XKR3: variants seen among roughly 807,000 people sequenced by gnomAD.
XKR3 encodes XK related 3.
Under a neutral mutation model 40.3 loss-of-function variants are expected in XKR3, and 27 were observed. The ratio of observed to expected loss-of-function variants is 0.67; its 90% CI spans 0.49 to 0.92. XKR3 has a LOEUF of 0.92. Among genes scored for constraint, XKR3 ranks in the 40% least tolerant of loss-of-function variants. XKR3 has a pLI of 0.00. For synonymous variants in XKR3, 193 were observed against 195.4 expected (o/e 0.99, Z 0.10); for missense variants, 472 against 537.6 (o/e 0.88, Z 1.21).
intron 3 of XKR3, among the ~76,000 whole-genome samples, 172 bp from the exon 4 acceptor site, chr22:16,784,581 GTA>G (rs1188593969): frequency 1.3e-5 from 2 of 152,116 alleles, no homozygotes; most frequent in African/African-American, 2.4e-5. Flanking sequence ...GATACAGTAA[GTA>G]TAGGCATGCA....
chr22:16,795,562 G>A (rs558930694), intron 3 of XKR3, among the ~76,000 whole-genome samples: 1 of 151,980 alleles, frequency 6.6e-6, no homozygotes. Flanking sequence ...AGAAGTTAAT[G>A]AAACTGAGAT....
At chr22:16,792,784 T>G (rs1340226318) in intron 3 of XKR3, among the ~76,000 whole-genome samples, 1 of 152,242 alleles carries the variant, frequency 6.6e-6, no homozygotes, top group Non-Finnish European at 1.5e-5. Flanking sequence ...GATGTTTTGT[T>G]CAAGTCTATA....
At chr22:16,816,692 T>C (rs937003861) in intron 1 of XKR3, among the ~76,000 whole-genome samples, 3 of 152,026 alleles carry the variant, frequency 2.0e-5, no homozygotes, top group Non-Finnish European at 4.4e-5. Context: ...ACAACTTATG[T>C]GGAATAATAT....
intron 1 of XKR3, among the ~76,000 whole-genome samples, chr22:16,821,226 A>G (rs1035065960): frequency 6.6e-6 from 1 of 152,166 alleles, no homozygotes; most frequent in African/African-American, 2.4e-5. Flanking sequence ...AACTGAAAAA[A>G]TGTATATATC....
At chr22:16,821,237 A>C (rs960405371) in intron 1 of XKR3, among the ~76,000 whole-genome samples, 2 of 152,164 alleles carry the variant, frequency 1.3e-5, no homozygotes, top group African/African-American at 4.8e-5. Context: ...TGTATATATC[A>C]AAGCTGTTAA....
At chr22:16,814,319 A>G (rs2060224619) in intron 1 of XKR3, among the ~76,000 whole-genome samples, 1 of 152,118 alleles carries the variant, frequency 6.6e-6, no homozygotes, top group African/African-American at 2.4e-5. Flanking sequence ...TTTGTTGGAA[A>G]TCAATTGCAC....
chr22:16,813,013 G>A (rs776181094), intron 1 of XKR3, among the ~76,000 whole-genome samples: 7 of 152,216 alleles, frequency 4.6e-5, no homozygotes, highest in Non-Finnish European at 8.8e-5. Flanking sequence ...GGCCGGGCGC[G>A]GTGGCTCACG....
intron 2 of XKR3, among the ~76,000 whole-genome samples, 181 bp downstream of exon 2, chr22:16,807,558 C>T (rs1410072305): frequency 6.6e-6 from 1 of 152,132 alleles, no homozygotes; most frequent in Non-Finnish European, 1.5e-5. Context: ...CTATCATTAC[C>T]TTATAACTGA....
chr22:16,815,185 A>C (rs1203684748), intron 1 of XKR3, among the ~76,000 whole-genome samples: 1 of 152,042 alleles, frequency 6.6e-6, no homozygotes, highest in Admixed American at 6.6e-5. Context: ...GATTTTATAA[A>C]ATATTTTACC....
At chr22:16,796,814 A>T (rs1477898232) in intron 3 of XKR3, among the ~76,000 whole-genome samples, 1 of 152,224 alleles carries the variant, frequency 6.6e-6, no homozygotes, top group Non-Finnish European at 1.5e-5. Flanking sequence ...AAAAAATTCT[A>T]TTCTAAATTT....
intron 3 of XKR3, among the ~76,000 whole-genome samples, chr22:16,797,561 G>A (rs1204996409): frequency 1.3e-5 from 2 of 152,118 alleles, no homozygotes; most frequent in African/African-American, 2.4e-5. Flanking sequence ...GGGAGGCTGA[G>A]GCGGGCAGAT....
At chr22:16,798,638 A>G (rs565394888) in intron 3 of XKR3, among the ~76,000 whole-genome samples, 2 of 152,362 alleles carry the variant, frequency 1.3e-5, no homozygotes, top group South Asian at 4.1e-4. Flanking sequence ...ATGGTTGCAT[A>G]GTATTCCATG....
chr22:16,808,792 G>C (rs1451811405), intron 1 of XKR3, among the ~76,000 whole-genome samples: 1 of 152,080 alleles, frequency 6.6e-6, no homozygotes, highest in Non-Finnish European at 1.5e-5. Flanking sequence ...ACATCAATTA[G>C]TCACTATGTG....
At chr22:16,798,765 C>T (rs967756555) in intron 3 of XKR3, among the ~76,000 whole-genome samples, 1 of 152,094 alleles carries the variant, frequency 6.6e-6, no homozygotes, top group Non-Finnish European at 1.5e-5. Flanking sequence ...AATAGAAAAC[C>T]AAATAGATTT....
intron 1 of XKR3, among the ~76,000 whole-genome samples, chr22:16,815,857 T>C (rs1464337990): frequency 3.9e-5 from 6 of 151,972 alleles, no homozygotes; most frequent in Admixed American, 2.0e-4. Flanking sequence ...TACTGAGGCA[T>C]TTAAATTTGT....
intron 1 of XKR3, among the ~76,000 whole-genome samples, chr22:16,818,468 A>C (rs2060242631): frequency 6.6e-6 from 1 of 152,158 alleles, no homozygotes; most frequent in African/African-American, 2.4e-5. Flanking sequence ...GGCACAGACA[A>C]AAAGAGCTTC....
intron 3 of XKR3, among the ~76,000 whole-genome samples, chr22:16,791,846 A>T (rs1367706800): frequency 1.3e-5 from 2 of 151,540 alleles, no homozygotes; most frequent in Non-Finnish European, 2.9e-5. Flanking sequence ...TGACTCTGAG[A>T]CTAAAGGGGA....
chr22:16,802,957 A>G (rs1349216700), intron 2 of XKR3, among the ~76,000 whole-genome samples: 1 of 152,216 alleles, frequency 6.6e-6, no homozygotes, highest in Non-Finnish European at 1.5e-5. Flanking sequence ...AAAGTTGGCC[A>G]TGAAAGTAAG....
At chr22:16,806,451 T>C (rs2060189902) in intron 2 of XKR3, among the ~76,000 whole-genome samples, 2 of 149,620 alleles carry the variant, frequency 1.3e-5, no homozygotes, top group African/African-American at 5.0e-5. Flanking sequence ...TCACATTTTG[T>C]GATGGAATAT....
Sources: allele counts gnomAD v4.1 joint callset (sites outside exome capture counted in the v4.1 genomes callset), GRCh38; gene constraint gnomAD v4.1.1; transcripts MANE v1.5; gene names NCBI Gene and HGNC (gene_info 2026-07-23, HGNC 2026-07-21).